The following PDE4D variants were observed in gnomAD, a reference collection of about 807,000 sequenced individuals.
PDE4D encodes phosphodiesterase 4D.
Under a neutral mutation model 87.4 loss-of-function variants are expected in PDE4D, and 24 were observed. That is an observed-to-expected ratio of 0.27 (90% CI 0.20 to 0.39). PDE4D has a LOEUF of 0.39. Ranked by LOEUF, PDE4D falls within the 10% of genes least tolerant of loss-of-function variation. The pLI is 1.00. For synonymous variants in PDE4D, 384 were observed against 383.2 expected (o/e 1.00, Z -0.02); for missense variants, 714 against 1,041.0 (o/e 0.69, Z 4.32).
In PDE4D at chr5:59,215,925, C is replaced by A. The variant is rs372954941; in HGVS notation, c.499G>T (p.Asp167Tyr). ...NGTSAGRSPL[D>Y]PMTSPGSGLI... ...CCGGATCCTGGGCTGGTCATGGGAT[C>A]CAAGGGACTCCGTCCCGCAGATGTG... The change falls in exon 2 of 15, where the codon GAT becomes TAT. Residue 167 changes from aspartate to tyrosine, a missense_variant. Asp to Tyr is a radical substitution (Grantham distance 160, BLOSUM62 -3). Coordinates refer to ENST00000340635, the MANE Select transcript of PDE4D (RefSeq NM_001104631.2). 6.2e-6 allele frequency: 10 copies of A among 1,613,186 alleles called. No homozygotes were observed. Among genetic ancestry groups the A allele is most frequent in the African/African-American group, 1.3e-5 (1 of 74,852 alleles).
At chr5:60,119,153 A>T (rs1028201263) in intron 2 of PDE4D, among the ~76,000 whole-genome samples, 2 of 152,198 alleles carry the variant, frequency 1.3e-5, no homozygotes, top group African/African-American at 4.8e-5. Context: ...ACTTTCATCC[A>T]TCATTTTAGC....
intron 3 of PDE4D, among the ~76,000 whole-genome samples, chr5:59,966,243 A>G (rs775331338): frequency 2.6e-5 from 4 of 152,216 alleles, no homozygotes; most frequent in Non-Finnish European, 4.4e-5. Context: ...AATATACTTC[A>G]AATCCTATTA....
chr5:59,349,577 A>G (rs1407716743), intron 1 of PDE4D, among the ~76,000 whole-genome samples: 1 of 152,190 alleles, frequency 6.6e-6, no homozygotes, highest in Non-Finnish European at 1.5e-5. Flanking sequence ...AACATTATGA[A>G]AATAAATAGT....
intron 3 of PDE4D, among the ~76,000 whole-genome samples, chr5:59,902,976 A>G (rs1752431627): frequency 6.6e-6 from 1 of 152,208 alleles, no homozygotes; most frequent in Non-Finnish European, 1.5e-5. Context: ...TTATAGTTAA[A>G]TAAAGTTAAT....
chr5:59,264,682 A>AATTAT (rs1762571404), intron 1 of PDE4D, among the ~76,000 whole-genome samples: 1 of 152,018 alleles, frequency 6.6e-6, no homozygotes. Context: ...TCCAATGTGC[A>AATTAT]GTTGTTAATT....
In PDE4D at chr5:58,973,116, G is replaced by A. The variant is rs1742899290; in HGVS notation, c.*1548C>T. 1 of 152,164 alleles carries A rather than the reference G, an allele frequency of 6.6e-6. No individual in the cohort carries two copies. The highest frequency in any genetic ancestry group is 2.1e-4 in the South Asian group (1 of 4,828). 9.4% of individuals were successfully genotyped at this position (152,164 alleles called of 1,614,324 possible). ...CTGATATAGTTCTTAATCCCATGGT[G>A]AAATCATTAAAACCAAATAGGATTA... On this transcript the variant is annotated 3_prime_UTR_variant, in exon 15 of 15. Coordinates refer to ENST00000340635, the MANE Select transcript of PDE4D (RefSeq NM_001104631.2).
At chr5:59,892,409 G>A (rs1751084521) in intron 1 of PDE4D, among the ~76,000 whole-genome samples, 1 of 152,028 alleles carries the variant, frequency 6.6e-6, no homozygotes, top group Admixed American at 6.6e-5. Context: ...GGATTTTGCA[G>A]GGACGACTGA....
At position 60,283,745 on chromosome 5, in the gene PDE4D, G is replaced by A. The variant is rs114821187; in HGVS notation, c.-89-98058C>T. On this transcript the variant is annotated intron_variant, in intron 1 of 16. Transcript: ENST00000502484. ...GTTGATTGTTCTATATCACAGCAGG[G>A]CCTGTAAAATGTGCCAGGTCTCCCA... is the stretch of plus-strand genomic sequence containing the variant. 6.6e-3 allele frequency among the ~76,000 whole-genome samples: 1,010 copies of A among 152,136 alleles called. 7 individuals are homozygous for A. Among genetic ancestry groups the A allele is most frequent in the African/African-American group, 0.023 (974 of 41,506 alleles).
intron 1 of PDE4D, among the ~76,000 whole-genome samples, chr5:60,272,514 G>A (rs991708302): frequency 1.2e-4 from 18 of 152,148 alleles, no homozygotes; most frequent in African/African-American, 4.3e-4. Flanking sequence ...AATGGCATTG[G>A]TTTATCACTC....
chr5:60,202,219 A>C (rs1378151296), intron 1 of PDE4D, among the ~76,000 whole-genome samples: 1 of 152,204 alleles, frequency 6.6e-6, no homozygotes, highest in Non-Finnish European at 1.5e-5. Flanking sequence ...TCTGTCACCC[A>C]GACTGGAGTG....
At chr5:59,630,807 G>A (rs796128944) in intron 1 of PDE4D, among the ~76,000 whole-genome samples, 1 of 152,252 alleles carries the variant, frequency 6.6e-6, no homozygotes, top group African/African-American at 2.4e-5. Context: ...AGGCCTGCAC[G>A]TGTCTGTTAG....
chr5:59,937,218 G>A (rs77670148), intron 3 of PDE4D, among the ~76,000 whole-genome samples: 4,212 of 152,240 alleles, frequency 0.028, 210 homozygotes, highest in African/African-American at 0.096. Context: ...AACCAGGTCT[G>A]TCAAACATGG....
chr5:59,179,464 A>ATGAT, intron 5 of PDE4D, among the ~76,000 whole-genome samples: 1 of 152,234 alleles, frequency 6.6e-6, no homozygotes, highest in Non-Finnish European at 1.5e-5. Context: ...GTACTATAAA[A>ATGAT]TGATAATTGG....
At chr5:60,157,419 A>T (rs1179156137) in intron 2 of PDE4D, among the ~76,000 whole-genome samples, 1 of 152,208 alleles carries the variant, frequency 6.6e-6, no homozygotes, top group East Asian at 1.9e-4. Context: ...GAGGGAAGAC[A>T]GTCTACAAAC....
At chr5:60,117,778 C>T (rs74621890) in intron 2 of PDE4D, among the ~76,000 whole-genome samples, 1 of 151,684 alleles carries the variant, frequency 6.6e-6, no homozygotes, top group African/African-American at 2.4e-5. Context: ...ACCCCTGCAG[C>T]TACCAACCCT....
At chr5:59,622,618 C>T (rs1448753290) in intron 1 of PDE4D, among the ~76,000 whole-genome samples, 1 of 152,164 alleles carries the variant, frequency 6.6e-6, no homozygotes, top group Non-Finnish European at 1.5e-5. Context: ...GTATTTTTCT[C>T]CGACATTTGT....
intron 1 of PDE4D, among the ~76,000 whole-genome samples, chr5:59,356,583 C>T (rs961254553): frequency 3.3e-5 from 5 of 152,134 alleles, no homozygotes; most frequent in South Asian, 4.1e-4. Flanking sequence ...AACTTCTGCA[C>T]GTACCTACAT....
intron 1 of PDE4D, among the ~76,000 whole-genome samples, chr5:59,322,212 T>C (rs1034803133): frequency 1.3e-5 from 2 of 152,152 alleles, no homozygotes; most frequent in Non-Finnish European, 2.9e-5. Context: ...AGAAGTCCAA[T>C]AACTACATAC....
At chr5:59,362,521 G>T (rs970115359) in intron 1 of PDE4D, among the ~76,000 whole-genome samples, 1 of 152,042 alleles carries the variant, frequency 6.6e-6, no homozygotes, top group Non-Finnish European at 1.5e-5. Context: ...AAAAAAATTA[G>T]GTGGCAAGAA....
Sources: allele counts gnomAD v4.1 joint callset (sites outside exome capture counted in the v4.1 genomes callset), GRCh38; gene constraint gnomAD v4.1.1; transcripts MANE v1.5; gene names NCBI Gene and HGNC (gene_info 2026-07-23, HGNC 2026-07-21).